Variants in ADA observed in about 807,000 individuals in gnomAD.
ADA encodes adenosine deaminase.
A neutral mutation model predicts 49.0 loss-of-function variants in ADA; 45 were observed. The observed-to-expected ratio is 0.92, with a 90% CI of 0.72 to 1.18. The LOEUF is 1.18. Ranked by LOEUF, ADA falls within the 50% of genes most tolerant of loss-of-function variation. ADA has a pLI of 0.00. For missense variants in ADA, 445 were observed against 472.5 expected (o/e 0.94, Z 0.54); for synonymous variants, 173 against 184.2 (o/e 0.94, Z 0.49).
chr20:44,642,937 A>G (rs566617697), intron 1 of ADA, among the ~76,000 whole-genome samples: 5 of 152,170 alleles, frequency 3.3e-5, no homozygotes, highest in Admixed American at 6.5e-5. Flanking sequence ...GCTGCCCACC[A>G]TGACCAGTAG....
rs563266754 is a variant in ADA, at chr20:44,620,948, C to A, written c.975+70G>T. 5.6e-6 allele frequency: 9 copies of A among 1,606,514 alleles called. No homozygotes were observed. In the East Asian group the frequency reaches 2.0e-4, roughly 36 times the overall value. On this transcript the variant is annotated intron_variant, in intron 10 of 11. Transcript: ENST00000372874. ...CTCCCTCTCTCCAAAGATTCCAGGC[C>A]CCGGACTGGACCTGTAGATACCATA...
Position 44,648,467 on chromosome 20 carries a change from T to C in ADA, c.33+3108A>G, listed in dbSNP as rs528000391. ...ACGGGACACTGACCATACAGGGGTATAGGGACCGAGGCCCTTTGTTTTGGG... is the reference window on the plus strand; with the variant it reads ...ACGGGACACTGACCATACAGGGGTACAGGGACCGAGGCCCTTTGTTTTGGG... On this transcript the variant is annotated intron_variant, in intron 1 of 11. Coordinates refer to ENST00000372874, the MANE Select transcript of ADA (RefSeq NM_000022.4). Among the ~76,000 whole-genome samples, 626 of 152,186 alleles carry C rather than the reference T, an allele frequency of 4.1e-3. 9 individuals carry two copies. The highest frequency in any genetic ancestry group is 7.1e-3 in the Non-Finnish European group (481 of 68,022).
At chr20:44,621,801 G>A (rs1280196034) in intron 9 of ADA, among the ~76,000 whole-genome samples, 3 of 151,986 alleles carry the variant, frequency 2.0e-5, no homozygotes, top group Non-Finnish European at 2.9e-5. Flanking sequence ...ACCTCCTGGG[G>A]CCACTGCTTC....
chr20:44,630,899 A>C (rs1240361866), intron 2 of ADA, among the ~76,000 whole-genome samples: 1 of 152,180 alleles, frequency 6.6e-6, no homozygotes, highest in African/African-American at 2.4e-5. Flanking sequence ...CTGTAGTCCC[A>C]GCTACTTGGG....
At chr20:44,626,332 CAGACTGGGGGCA>C (rs2065381810) in intron 4 of ADA, 112 bp downstream of exon 4, 1 of 1,388,154 alleles carries the variant, frequency 7.2e-7, no homozygotes, top group Admixed American at 1.8e-5. Context: ...GGCCATGGAC[CAGACTGGGGGCA>C]AGAACAAGGT....
Position 44,651,636 on chromosome 20 carries a change from C to A in ADA, c.-29G>T. ...GCCCTCGTGCGCCCCGGCGCTGCTCCCTCCGCCGCCGCTCGGTGGGTCTCT... is the reference window on the plus strand; with the variant it reads ...GCCCTCGTGCGCCCCGGCGCTGCTCACTCCGCCGCCGCTCGGTGGGTCTCT... On this transcript the variant is annotated 5_prime_UTR_variant, in exon 1 of 12. Coordinates refer to ENST00000372874, the MANE Select transcript of ADA (RefSeq NM_000022.4). 6.6e-7 allele frequency: 1 copy of A among 1,504,598 alleles called. No individual in the cohort carries two copies. The allele number at this position is 1,504,598 out of a possible 1,614,324, so 93.2% of individuals were successfully genotyped here.
At chr20:44,644,272 C>T (rs1365753395) in intron 1 of ADA, among the ~76,000 whole-genome samples, 1 of 152,218 alleles carries the variant, frequency 6.6e-6, no homozygotes, top group Non-Finnish European at 1.5e-5. Context: ...CTGTCTCCCT[C>T]ATGAGCCGTT....
At position 44,651,561 on chromosome 20, in the gene ADA, CCG is replaced by C. The variant is rs756640707; in HGVS notation, c.33+12_33+13del. 2.0e-6 allele frequency: 3 copies of C among 1,535,280 alleles called. No individual in the cohort carries two copies. Among genetic ancestry groups the C allele is most frequent in the Non-Finnish European group, 2.6e-6 (3 of 1,147,312 alleles). ...CGCCGGACCCCCGTCCCCGGAGCCCCCGCGCGCGCTCACTTTGGGCTTGTCGA... is the reference window on the plus strand; with the variant it reads ...CGCCGGACCCCCGTCCCCGGAGCCCCCGCGCGCTCACTTTGGGCTTGTCGA... On this transcript the variant is annotated intron_variant, in intron 1 of 11. Transcript: ENST00000372874.
chr20:44,622,484 A>G (rs2065341042), intron 9 of ADA, 104 bp downstream of exon 9: 4 of 1,376,940 alleles, frequency 2.9e-6, no homozygotes, highest in Non-Finnish European at 4.1e-6. Flanking sequence ...AAGAGATTTC[A>G]TATCTAAAAG....
At chr20:44,622,498 CGG>C in intron 9 of ADA, 88 bp downstream of exon 9, 1 of 1,456,362 alleles carries the variant, frequency 6.9e-7, no homozygotes, top group South Asian at 1.2e-5. Flanking sequence ...CTAAAAGACG[CGG>C]CATGGGCTGA....
Position 44,646,981 on chromosome 20 carries a change from A to G in ADA, c.33+4594T>C, listed in dbSNP as rs891709541. ...TAATAAGTGAAGTTAATAATAGGACAGGACCTTCCTCAGAGGGCTGACATA... is the reference window on the plus strand; with the variant it reads ...TAATAAGTGAAGTTAATAATAGGACGGGACCTTCCTCAGAGGGCTGACATA... On this transcript the variant is annotated intron_variant, in intron 1 of 11. Coordinates refer to ENST00000372874, the MANE Select transcript of ADA (RefSeq NM_000022.4). Among the ~76,000 whole-genome samples, 4 of 152,206 alleles carry G rather than the reference A, an allele frequency of 2.6e-5. No homozygotes were observed. In the South Asian group the frequency reaches 8.3e-4, roughly 32 times the overall value.
At chr20:44,635,979 G>A (rs2065476395) in intron 2 of ADA, 1 of 553,554 alleles carries the variant, frequency 1.8e-6, no homozygotes, top group Admixed American at 3.1e-5. Context: ...GCAGGCTCAG[G>A]CCTGGCTCAC....
intron 3 of ADA, among the ~76,000 whole-genome samples, chr20:44,626,930 C>T (rs1423594133): frequency 2.0e-5 from 3 of 152,136 alleles, no homozygotes; most frequent in Non-Finnish European, 4.4e-5. Flanking sequence ...ATCACTTCTC[C>T]CCTCGAAGCC....
intron 1 of ADA, among the ~76,000 whole-genome samples, chr20:44,642,369 C>T (rs1165044544): frequency 6.6e-6 from 1 of 152,196 alleles, no homozygotes; most frequent in Non-Finnish European, 1.5e-5. Context: ...TGATAAGAAG[C>T]AGACCAAGTG....
At chr20:44,630,798 G>A (rs372600038) in intron 2 of ADA, among the ~76,000 whole-genome samples, 5 of 152,256 alleles carry the variant, frequency 3.3e-5, no homozygotes, top group East Asian at 1.9e-4. Flanking sequence ...CAAGGCTGGC[G>A]GATCACTTAA....
At chr20:44,651,364 A>C (rs2065644176) in intron 1 of ADA, among the ~76,000 whole-genome samples, 2 of 152,360 alleles carry the variant, frequency 1.3e-5, no homozygotes, top group Admixed American at 1.3e-4. Flanking sequence ...GGGCAGAAGC[A>C]GACTCTGGAG....
chr20:44,651,662 G>A lies in ADA; in HGVS notation c.-55C>T. The A allele has an allele frequency of 6.8e-7, 1 of 1,463,534 alleles. No individual in the cohort carries two copies. The highest frequency in any genetic ancestry group is 2.4e-5 in the Admixed American group (1 of 41,298). 90.7% of individuals were successfully genotyped at this position (1,463,534 alleles called of 1,614,324 possible). A position where few individuals can be genotyped will look rare whatever the true frequency, so the allele number is the denominator to read the frequency against. The stretch of plus-strand genomic sequence containing the variant: ...CTCCGCCGCCGCTCGGTGGGTCTCT[G>A]CCGGCTCGGTGGCCGCTCGGCTTTC... On this transcript the variant is annotated 5_prime_UTR_variant, in exon 1 of 12. Transcript: ENST00000372874.
At chr20:44,620,509 T>TA (rs2065319337) in intron 10 of ADA, 108 bp from the exon 11 acceptor site, 1 of 930,556 alleles carries the variant, frequency 1.1e-6, no homozygotes, top group African/African-American at 1.6e-5. Flanking sequence ...CAGATACGCT[T>TA]AGAGGGGGAA....
intron 2 of ADA, among the ~76,000 whole-genome samples, chr20:44,631,737 GT>G (rs2065435382): frequency 1.3e-5 from 2 of 152,170 alleles, no homozygotes; most frequent in African/African-American, 4.8e-5. Context: ...TCCTTTGGTG[GT>G]TTTCAGCTCC....
Sources: gnomAD v4.1 joint callset for allele counts (sites outside exome capture counted in the v4.1 genomes callset) on GRCh38, gnomAD v4.1.1 for gene constraint, MANE v1.5 for transcripts, NCBI Gene and HGNC (gene_info 2026-07-23, HGNC 2026-07-21) for gene names.